Variants in CADPS observed in about 807,000 individuals in gnomAD.
The protein encoded by CADPS is calcium-dependent secretion activator 1.
CADPS carries 57 observed loss-of-function variants against 167.3 expected under a neutral mutation model. The ratio of observed to expected loss-of-function variants is 0.34; its 90% confidence interval spans 0.28 to 0.42. The LOEUF is 0.42. CADPS is among the 20% of genes least tolerant of loss of function. CADPS has a pLI of 1.00. For missense variants in CADPS, 1,414 were observed against 1,738.1 expected (o/e 0.81, Z 3.32); for synonymous variants, 676 against 635.3 (o/e 1.06, Z -0.96).
At chr3:62,565,704 C>T (rs1056733270) in intron 9 of CADPS, among the ~76,000 whole-genome samples, 4 of 152,200 alleles carry the variant, frequency 2.6e-5, no homozygotes, top group African/African-American at 7.2e-5. Context: ...AGGGTAGACT[C>T]TAGCCACATC....
chr3:62,600,775 G>A (rs1188879334), intron 6 of CADPS, among the ~76,000 whole-genome samples: 4 of 152,208 alleles, frequency 2.6e-5, no homozygotes, highest in Non-Finnish European at 4.4e-5. Context: ...GTGTGAGAGT[G>A]TCTCAGCTTT....
At chr3:62,536,720 G>T in intron 11 of CADPS, 139 bp from the exon 12 acceptor site, 1 of 791,758 alleles carries the variant, frequency 1.3e-6, no homozygotes, top group Non-Finnish European at 2.1e-6. Flanking sequence ...ACATCCCCAA[G>T]ATATTCTTTT....
Position 62,420,952 on chromosome 3 carries a change from G to A in CADPS, c.3777+17152C>T, listed in dbSNP as rs991476013. ...ATCACTTACCCAAACCTTACCCTGGGGAGCCAGCCATCTCATTTCTGTAAA... is the reference window on the plus strand; with the variant it reads ...ATCACTTACCCAAACCTTACCCTGGAGAGCCAGCCATCTCATTTCTGTAAA... On this transcript the variant is annotated intron_variant, in intron 28 of 29. Transcript: ENST00000383710. The surrounding 1 kb of genome is among the most constrained non-coding windows in gnomAD (Gnocchi z 4.1). 1.3e-5 allele frequency among the ~76,000 whole-genome samples: 2 copies of A among 151,188 alleles called. No homozygotes were observed. Among genetic ancestry groups the A allele is most frequent in the African/African-American group, 4.9e-5 (2 of 41,058 alleles).
chr3:62,670,314 T>C (rs13099564), intron 3 of CADPS, among the ~76,000 whole-genome samples: 11,736 of 152,208 alleles, frequency 0.077, 590 homozygotes, highest in Non-Finnish European at 0.11. Flanking sequence ...TTCAGGGTTA[T>C]TTGTAGAAAG....
chr3:62,415,832 T>C (rs978061535), intron 28 of CADPS, among the ~76,000 whole-genome samples: 1 of 152,118 alleles, frequency 6.6e-6, no homozygotes, highest in Non-Finnish European at 1.5e-5. Flanking sequence ...CAATGCGAAG[T>C]GACAAGTTTT....
intron 1 of CADPS, among the ~76,000 whole-genome samples, chr3:62,868,275 G>A (rs2082060737): frequency 1.3e-5 from 2 of 152,044 alleles, no homozygotes; most frequent in African/African-American, 4.8e-5. Context: ...AGTGATACTT[G>A]TTAAGCAATT....
chr3:62,795,616 C>A (rs2093351491), intron 1 of CADPS, among the ~76,000 whole-genome samples: 1 of 149,064 alleles, frequency 6.7e-6, no homozygotes, highest in African/African-American at 2.6e-5. Flanking sequence ...TTCATTCACT[C>A]AATAAATATT....
chr3:62,586,264 G>C (rs970380586), intron 7 of CADPS, among the ~76,000 whole-genome samples: 8 of 152,184 alleles, frequency 5.3e-5, no homozygotes, highest in Non-Finnish European at 1.0e-4. Flanking sequence ...CATTGTTTTG[G>C]CTGTTTTCAA....
chr3:62,874,908 C>A lies in CADPS; in HGVS notation c.122G>T (p.Gly41Val). 5.6e-6 allele frequency: 8 copies of A among 1,426,444 alleles called. No homozygotes were observed. The highest frequency in any genetic ancestry group is 6.5e-6 in the Non-Finnish European group (7 of 1,083,920). The allele number at this position is 1,426,444 out of a possible 1,614,324, so 88.4% of individuals were successfully genotyped here. The change falls in exon 1 of 30, where the codon GGC becomes GTC. Residue 41 changes from glycine to valine, a missense_variant. This residue lies in a region of CADPS where 522 missense variants were observed against 559.5 expected (regional missense o/e 0.93). Transcript: ENST00000383710. This position sits in a 1 kb window ranked among gnomAD's most constrained non-coding sequence, Gnocchi z 7.1. Reference protein sequence around the residue: ...ARLSPSRTSEGSAGSAGLGGG... With the variant: ...ARLSPSRTSEVSAGSAGLGGG... ...CCCCAGCCCGGCGCTGCCGGCCGAG[C>A]CCTCGCTGGTACGGCTGGGAGACAG... is the stretch of plus-strand genomic sequence containing the variant.
At chr3:62,688,432 G>C (rs778286944) in intron 3 of CADPS, among the ~76,000 whole-genome samples, 6 of 152,030 alleles carry the variant, frequency 3.9e-5, no homozygotes, top group Non-Finnish European at 8.8e-5. Flanking sequence ...CAATAAGTAG[G>C]AGATGTTGTT....
intron 6 of CADPS, among the ~76,000 whole-genome samples, chr3:62,608,283 G>A (rs544190084): frequency 2.0e-5 from 3 of 148,846 alleles, no homozygotes; most frequent in African/African-American, 7.4e-5. Context: ...GTTTGTTGTT[G>A]TTGCTTTTTT....
chr3:62,561,502 T>G (rs1013493910), intron 9 of CADPS, among the ~76,000 whole-genome samples: 1 of 151,824 alleles, frequency 6.6e-6, no homozygotes, highest in African/African-American at 2.4e-5. Flanking sequence ...ACTCCTGGGC[T>G]CAAGTGATCT....
At chr3:62,846,617 A>G (rs1193804537) in intron 1 of CADPS, among the ~76,000 whole-genome samples, 4 of 152,176 alleles carry the variant, frequency 2.6e-5, no homozygotes, top group African/African-American at 9.6e-5. Context: ...TCATTCTCCA[A>G]AAGTGACCAA....
rs141923389 is a variant in CADPS, at chr3:62,476,282, C to T, written c.3330-1962G>A. On this transcript the variant is annotated intron_variant, in intron 23 of 29. Coordinates refer to ENST00000383710, the MANE Select transcript of CADPS (RefSeq NM_003716.4). ...GAATCTGTTCTACCAAGGAGAACAA[C>T]GGTTCTAGGCTCTTCTAATGTAGAT... 2.8e-4 allele frequency among the ~76,000 whole-genome samples: 42 copies of T among 152,254 alleles called. No homozygotes were observed. In the East Asian group the frequency reaches 7.0e-3, roughly 25 times the overall value.
At chr3:62,503,421 T>G (rs1426188946) in intron 17 of CADPS, among the ~76,000 whole-genome samples, 1 of 152,246 alleles carries the variant, frequency 6.6e-6, no homozygotes, top group Non-Finnish European at 1.5e-5. Flanking sequence ...TCTATGGGAC[T>G]GATCTCTGTA....
chr3:62,637,490 C>G (rs1332242710), intron 6 of CADPS, among the ~76,000 whole-genome samples: 1 of 152,172 alleles, frequency 6.6e-6, no homozygotes, highest in East Asian at 1.9e-4. Context: ...CCTCACAGTG[C>G]TGATGTATGT....
intron 3 of CADPS, among the ~76,000 whole-genome samples, chr3:62,705,357 G>A (rs1188856121): frequency 1.3e-5 from 2 of 152,136 alleles, no homozygotes; most frequent in East Asian, 3.8e-4. Flanking sequence ...TCTTTCCTCA[G>A]TTGCTCCTCA....
chr3:62,511,788 T>C (rs1165248147), intron 17 of CADPS, among the ~76,000 whole-genome samples: 1 of 152,142 alleles, frequency 6.6e-6, no homozygotes, highest in Non-Finnish European at 1.5e-5. Context: ...CCCATTTGCA[T>C]GTATACTCCA....
chr3:62,591,953 A>G (rs1043787817), intron 7 of CADPS, among the ~76,000 whole-genome samples: 3 of 152,200 alleles, frequency 2.0e-5, no homozygotes, highest in Non-Finnish European at 4.4e-5. Context: ...AAATCTGTTT[A>G]TAATGAACTA....
Sources: gnomAD v4.1 joint callset for allele counts (sites outside exome capture counted in the v4.1 genomes callset) on GRCh38, gnomAD v4.1.1 for gene constraint, gnomAD v4.1.1 regional missense constraint, Gnocchi (gnomAD v3.1) non-coding constraint, MANE v1.5 for transcripts, NCBI Gene and HGNC (gene_info 2026-07-23, HGNC 2026-07-21) for gene names.